INVS: variants seen among roughly 807,000 people sequenced by gnomAD.
INVS encodes the protein inversion of embryo turning homolog.
Under a neutral mutation model 108.8 loss-of-function variants are expected in INVS, and 86 were observed. That is an observed-to-expected ratio of 0.79 (90% confidence interval 0.66 to 0.95). The LOEUF is 0.95. Among genes scored for constraint, INVS ranks in the 40% least tolerant of loss-of-function variants. The probability of loss-of-function intolerance (pLI) is 0.00; values close to 1 mark genes in which losing one functional copy is unlikely to be tolerated. For synonymous variants in INVS, 455 were observed against 473.5 expected (o/e 0.96, Z 0.51); for missense variants, 1,169 against 1,297.4 (o/e 0.90, Z 1.52).
intron 3 of INVS, among the ~76,000 whole-genome samples, chr9:100,156,241 C>T (rs1206181356): frequency 1.3e-5 from 2 of 151,226 alleles, no homozygotes; most frequent in Non-Finnish European, 2.9e-5. Flanking sequence ...TGTTAAAACT[C>T]CATGAGTTAG....
At chr9:100,170,983 T>C (rs1401194116) in intron 3 of INVS, among the ~76,000 whole-genome samples, 1 of 152,160 alleles carries the variant, frequency 6.6e-6, no homozygotes. Flanking sequence ...ATCTAAGCCA[T>C]CCTGGGGTGT....
chr9:100,192,302 A>T (rs1042102220), intron 3 of INVS, among the ~76,000 whole-genome samples: 1 of 150,664 alleles, frequency 6.6e-6, no homozygotes, highest in Non-Finnish European at 1.5e-5. Flanking sequence ...ATAATGCAGT[A>T]TGTATTCTTC....
Position 100,252,564 on chromosome 9 carries a change from C to T in INVS, c.1234+126C>T, listed in dbSNP as rs762396642. ...GTACAAGGATGAAGGGATGATCACA[C>T]AACATGGCATGAGGAACCTCAAGTT... On this transcript the variant is annotated intron_variant, in intron 9 of 16. Transcript: ENST00000262457. 24 of 922,760 alleles carry T rather than the reference C, an allele frequency of 2.6e-5. 1 individual carries two copies. In the Middle Eastern group the frequency reaches 9.0e-4, roughly 35 times the overall value. The allele number at this position is 922,760 out of a possible 1,614,324, so 57.2% of individuals were successfully genotyped here.
intron 3 of INVS, among the ~76,000 whole-genome samples, chr9:100,161,055 A>G (rs1164487418): frequency 2.6e-5 from 4 of 151,544 alleles, no homozygotes; most frequent in Non-Finnish European, 4.4e-5. Flanking sequence ...TAGTCTAGGC[A>G]GTTGTCTTCT....
chr9:100,106,017 C>T (rs747608101), intron 2 of INVS, among the ~76,000 whole-genome samples: 1 of 152,046 alleles, frequency 6.6e-6, no homozygotes, highest in Non-Finnish European at 1.5e-5. Flanking sequence ...GTACTTACTA[C>T]TCATCATACC....
At chr9:100,242,827 T>G in intron 7 of INVS, 148 bp downstream of exon 7, 1 of 583,088 alleles carries the variant, frequency 1.7e-6, no homozygotes, top group South Asian at 2.0e-5. Context: ...ATTTATTTAT[T>G]TATTTTTCCA....
chr9:100,272,766 T>C, intron 11 of INVS, 98 bp from the exon 12 acceptor site: 5 of 1,126,828 alleles, frequency 4.4e-6, no homozygotes, highest in Non-Finnish European at 6.6e-6. Context: ...CATCTTAGAA[T>C]GAAGTTTCCT....
intron 3 of INVS, among the ~76,000 whole-genome samples, chr9:100,176,657 T>A (rs1309907094): frequency 6.6e-6 from 1 of 151,930 alleles, no homozygotes; most frequent in African/African-American, 2.4e-5. Context: ...GTTGTATTTT[T>A]AATAGACACT....
chr9:100,126,026 G>A (rs146490100), intron 2 of INVS, among the ~76,000 whole-genome samples: 7 of 152,264 alleles, frequency 4.6e-5, no homozygotes, highest in Non-Finnish European at 1.0e-4. Flanking sequence ...ATACCACAAT[G>A]CCTAGTGTAC....
intron 3 of INVS, among the ~76,000 whole-genome samples, chr9:100,144,475 C>T (rs1039821010): frequency 6.6e-5 from 10 of 152,094 alleles, no homozygotes; most frequent in South Asian, 2.1e-4. Flanking sequence ...TGCTGCCAAA[C>T]GAGCCATGAA....
chr9:100,139,586 C>T (rs1487258158), intron 3 of INVS, among the ~76,000 whole-genome samples: 7 of 152,148 alleles, frequency 4.6e-5, no homozygotes, highest in Admixed American at 2.0e-4. Flanking sequence ...TAATCAGTCC[C>T]GTCATCTGAT....
chr9:100,240,452 A>G (rs988955250), intron 6 of INVS, among the ~76,000 whole-genome samples: 5 of 152,046 alleles, frequency 3.3e-5, no homozygotes, highest in Admixed American at 2.6e-4. Flanking sequence ...TTCACTTTAA[A>G]TTTTTGTTAT....
intron 1 of INVS, among the ~76,000 whole-genome samples, chr9:100,099,749 A>G (rs1311885937): frequency 6.6e-6 from 1 of 152,194 alleles, no homozygotes. Flanking sequence ...CTCCTCCAGT[A>G]TAATTACGAA....
chr9:100,298,363 A>G (rs1833852112), intron 16 of INVS: 4 of 977,070 alleles, frequency 4.1e-6, no homozygotes, highest in Non-Finnish European at 4.9e-6. Context: ...ATGATCCCCT[A>G]TTTCCTTCTC....
chr9:100,100,624 A>G (rs1163711536), intron 1 of INVS, among the ~76,000 whole-genome samples: 33 of 78,080 alleles, frequency 4.2e-4, no homozygotes, highest in African/African-American at 2.0e-3. Flanking sequence ...ATATATGTAT[A>G]TATAATATAT....
At position 100,272,858 on chromosome 9, in the gene INVS, C is replaced by T; in HGVS notation, c.1572-6C>T. The stretch of plus-strand genomic sequence containing the variant: ...AAAAAAAAAAGAAATCTTCCTCCCA[C>T]TTCAGATACACACCCCTTGATTATG... On this transcript the variant is annotated splice_region_variant and splice_polypyrimidine_tract_variant and intron_variant, in intron 11 of 16. Coordinates refer to ENST00000262457, the MANE Select transcript of INVS (RefSeq NM_014425.5). 1 of 1,612,336 alleles carries T rather than the reference C, an allele frequency of 6.2e-7. No individual in the cohort carries two copies. The highest frequency in any genetic ancestry group is 1.7e-5 in the Admixed American group (1 of 59,996).
intron 3 of INVS, among the ~76,000 whole-genome samples, chr9:100,160,508 C>T (rs1179597827): frequency 6.6e-6 from 1 of 151,960 alleles, no homozygotes; most frequent in African/African-American, 2.4e-5. Context: ...CAATAGAGTC[C>T]CTTCCTGCAT....
At chr9:100,156,730 C>A (rs890273705) in intron 3 of INVS, among the ~76,000 whole-genome samples, 1 of 152,096 alleles carries the variant, frequency 6.6e-6, no homozygotes, top group Non-Finnish European at 1.5e-5. Flanking sequence ...GTTTACCCTT[C>A]ATATGTTTCA....
intron 11 of INVS, among the ~76,000 whole-genome samples, chr9:100,271,617 C>T (rs1419888798): frequency 6.6e-6 from 1 of 152,216 alleles, no homozygotes; most frequent in Admixed American, 6.5e-5. Context: ...GCCTGACTCT[C>T]TCTGTCCTTG....
Sources: gnomAD v4.1 joint callset for allele counts (sites outside exome capture counted in the v4.1 genomes callset) on GRCh38, gnomAD v4.1.1 for gene constraint, MANE v1.5 for transcripts, NCBI Gene and HGNC (gene_info 2026-07-23, HGNC 2026-07-21) for gene names.